Variants in VPS4B observed in about 807,000 individuals in gnomAD.
VPS4B encodes the protein vacuolar protein sorting 4 homolog B, also known as vacuolar protein sorting-associated protein 4B.
In VPS4B, 23 loss-of-function variants were observed where a neutral mutation model predicts 56.1. The observed-to-expected ratio is 0.41, with a 90% CI of 0.30 to 0.58. The LOEUF (loss-of-function observed/expected upper bound fraction) is 0.58. Among genes scored for constraint, VPS4B ranks in the 20% least tolerant of loss-of-function variants. The pLI is 0.29. For missense variants in VPS4B, 372 were observed against 531.9 expected (o/e 0.70, Z 2.96); for synonymous variants, 177 against 186.0 (o/e 0.95, Z 0.39).
intron 8 of VPS4B, among the ~76,000 whole-genome samples, chr18:63,397,457 T>G (rs1384234098): frequency 6.6e-6 from 1 of 152,224 alleles, no homozygotes; most frequent in African/African-American, 2.4e-5. Context: ...GCTGAATCTT[T>G]CGTGCATTTT....
At chr18:63,416,776 C>T in intron 1 of VPS4B, among the ~76,000 whole-genome samples, 1 of 152,164 alleles carries the variant, frequency 6.6e-6, no homozygotes, top group East Asian at 1.9e-4. Context: ...AGCAGTTGAA[C>T]CCTTCCACCT....
intron 1 of VPS4B, 77 bp from the exon 2 acceptor site, chr18:63,411,655 G>T (rs1181689511): frequency 3.5e-4 from 265 of 751,734 alleles, no homozygotes; most frequent in East Asian, 8.4e-4. Context: ...CATACTGAAA[G>T]TTTTTTTTTT....
At chr18:63,421,843 C>T (rs557556126) in intron 1 of VPS4B, among the ~76,000 whole-genome samples, 1 of 152,344 alleles carries the variant, frequency 6.6e-6, no homozygotes, top group African/African-American at 2.4e-5. Context: ...AAGGGGTCTG[C>T]TGTCAGCTTG....
intron 5 of VPS4B, among the ~76,000 whole-genome samples, chr18:63,401,160 G>A (rs1050537004): frequency 5.3e-5 from 8 of 152,236 alleles, no homozygotes; most frequent in African/African-American, 1.9e-4. Context: ...CTTTGGAAAA[G>A]TGAACCTAAC....
intron 10 of VPS4B, among the ~76,000 whole-genome samples, chr18:63,391,587 G>A (rs79567271): frequency 0.019 from 2,937 of 152,188 alleles, 90 homozygotes; most frequent in African/African-American, 0.068. Flanking sequence ...GTGTAGAAAC[G>A]TATACTTTCT....
At chr18:63,414,981 A>G (rs536571979) in intron 1 of VPS4B, among the ~76,000 whole-genome samples, 5 of 152,342 alleles carry the variant, frequency 3.3e-5, no homozygotes, top group African/African-American at 1.2e-4. Context: ...ATGGCTTCTG[A>G]GCACTTGAAA....
intron 10 of VPS4B, among the ~76,000 whole-genome samples, chr18:63,391,527 C>T (rs1422455890): frequency 6.6e-6 from 1 of 152,204 alleles, no homozygotes; most frequent in Non-Finnish European, 1.5e-5. Context: ...CTGCACCCGG[C>T]CCCTATTCTT....
At chr18:63,405,888 AG>A (rs1915906945) in intron 4 of VPS4B, among the ~76,000 whole-genome samples, 1 of 152,088 alleles carries the variant, frequency 6.6e-6, no homozygotes, top group African/African-American at 2.4e-5. Context: ...CAGGAGGCTG[AG>A]GCAGGAGAAT....
intron 3 of VPS4B, among the ~76,000 whole-genome samples, chr18:63,409,688 A>G (rs1044452363): frequency 6.6e-6 from 1 of 152,240 alleles, no homozygotes; most frequent in African/African-American, 2.4e-5. Context: ...AATCAGTTTC[A>G]ACGTTTATAA....
At chr18:63,405,712 C>A (rs1182645977) in intron 4 of VPS4B, among the ~76,000 whole-genome samples, 4 of 151,966 alleles carry the variant, frequency 2.6e-5, no homozygotes, top group African/African-American at 9.7e-5. Flanking sequence ...AATCCCAGCT[C>A]TTTGGGAGGC....
At chr18:63,399,688 A>G (rs527657893) in intron 7 of VPS4B, among the ~76,000 whole-genome samples, 2 of 152,328 alleles carry the variant, frequency 1.3e-5, no homozygotes, top group South Asian at 4.1e-4. Context: ...TATGTCAGTG[A>G]GTCCTACAAG....
At chr18:63,400,221 G>A (rs1386278031) in intron 6 of VPS4B, 25 bp from the exon 7 acceptor site, 4 of 1,572,866 alleles carry the variant, frequency 2.5e-6, no homozygotes, top group Non-Finnish European at 3.4e-6. Context: ...AAACTTTTAA[G>A]TCTCTAAAAA....
chr18:63,405,609 A>C (rs1915899430), intron 4 of VPS4B, among the ~76,000 whole-genome samples: 1 of 151,882 alleles, frequency 6.6e-6, no homozygotes, highest in Admixed American at 6.6e-5. Flanking sequence ...TGTTTGTTTT[A>C]CATTTCTGGC....
At chr18:63,400,831 A>T in intron 5 of VPS4B, 128 bp from the exon 6 acceptor site, 1 of 955,986 alleles carries the variant, frequency 1.0e-6, no homozygotes, top group Non-Finnish European at 1.5e-6. Flanking sequence ...TTAAAAATAA[A>T]TCAATCTAAG....
At chr18:63,414,224 C>T (rs748752036) in intron 1 of VPS4B, among the ~76,000 whole-genome samples, 1 of 151,574 alleles carries the variant, frequency 6.6e-6, no homozygotes, top group Non-Finnish European at 1.5e-5. Context: ...TCTAAAAATA[C>T]AAAAAATATT....
intron 10 of VPS4B, among the ~76,000 whole-genome samples, chr18:63,391,704 A>C (rs1350100185): frequency 1.3e-5 from 2 of 152,250 alleles, no homozygotes; most frequent in African/African-American, 4.8e-5. Context: ...TTCTGGCCTT[A>C]TCTCTTTTTC....
chr18:63,400,752 G>A (rs777600205), intron 5 of VPS4B, 49 bp from the exon 6 acceptor site: 2 of 1,546,260 alleles, frequency 1.3e-6, no homozygotes, highest in Middle Eastern at 1.7e-4. Flanking sequence ...ACACTTAATT[G>A]TATCATCTAT....
intron 1 of VPS4B, among the ~76,000 whole-genome samples, chr18:63,414,339 T>C (rs573047779): frequency 6.7e-6 from 1 of 149,422 alleles, no homozygotes; most frequent in African/African-American, 2.5e-5. Flanking sequence ...CACTGCACTC[T>C]AGCCTGGGTG....
intron 1 of VPS4B, among the ~76,000 whole-genome samples, chr18:63,412,581 A>G (rs1275480137): frequency 1.3e-5 from 2 of 152,222 alleles, no homozygotes; most frequent in Non-Finnish European, 2.9e-5. Context: ...GAGGAACTAG[A>G]CATCCATAAG....
Sources: gnomAD v4.1 joint callset for allele counts (sites outside exome capture counted in the v4.1 genomes callset) on GRCh38, gnomAD v4.1.1 for gene constraint, MANE v1.5 for transcripts, NCBI Gene and HGNC (gene_info 2026-07-23, HGNC 2026-07-21) for gene names.